TMEM132B: variants seen among roughly 807,000 people sequenced by gnomAD.
The protein encoded by TMEM132B is transmembrane protein 132B.
Under a neutral mutation model 90.8 loss-of-function variants are expected in TMEM132B, and 18 were observed. The ratio of observed to expected loss-of-function variants is 0.20; its 90% confidence interval spans 0.14 to 0.29. The LOEUF (loss-of-function observed/expected upper bound fraction) is 0.29. Ranked by LOEUF, TMEM132B falls within the 10% of genes least tolerant of loss-of-function variation. The pLI, the probability that TMEM132B is intolerant of heterozygous loss-of-function variation, is 1.00. For synonymous variants in TMEM132B, 504 were observed against 523.3 expected, an observed-to-expected ratio of 0.96 and a Z score of 0.50; for missense variants, 1,096 against 1,326.8, an observed-to-expected ratio of 0.83 and a Z score of 2.70.
chr12:125,228,008 A>T (rs1442909187), intron 1 of TMEM132B, among the ~76,000 whole-genome samples: 1 of 152,014 alleles, frequency 6.6e-6, no homozygotes, highest in Non-Finnish European at 1.5e-5. Context: ...CTCTCTTTGC[A>T]TTTCTCTATT....
intron 1 of TMEM132B, among the ~76,000 whole-genome samples, chr12:125,241,595 C>G (rs1033263049): frequency 6.6e-6 from 1 of 152,178 alleles, no homozygotes; most frequent in African/African-American, 2.4e-5. Context: ...CCAGCATCAC[C>G]TTCTGTTGAG....
At chr12:125,521,389 T>C (rs999977279) in intron 4 of TMEM132B, among the ~76,000 whole-genome samples, 5 of 152,196 alleles carry the variant, frequency 3.3e-5, no homozygotes, top group Middle Eastern at 3.2e-3. Context: ...GGACTGCCCC[T>C]GCATGAAGTA....
At chr12:125,331,043 G>T (rs1566003969) in intron 1 of TMEM132B, among the ~76,000 whole-genome samples, 1 of 152,260 alleles carries the variant, frequency 6.6e-6, no homozygotes, top group Admixed American at 6.5e-5. Context: ...TGGAAGAGGG[G>T]AGGGATGCAC....
chr12:125,556,004 C>T (rs1884376532), intron 4 of TMEM132B, among the ~76,000 whole-genome samples: 1 of 152,184 alleles, frequency 6.6e-6, no homozygotes, highest in Non-Finnish European at 1.5e-5. Flanking sequence ...AAATGCACAT[C>T]TGTATCTTTG....
chr12:125,307,184 T>G (rs772926082), intron 1 of TMEM132B, among the ~76,000 whole-genome samples: 18 of 152,220 alleles, frequency 1.2e-4, no homozygotes, highest in Non-Finnish European at 7.3e-5. Context: ...ATCCTATGCA[T>G]GTTATTATTT....
At chr12:125,297,025 G>C (rs1875688040) in intron 1 of TMEM132B, among the ~76,000 whole-genome samples, 1 of 152,250 alleles carries the variant, frequency 6.6e-6, no homozygotes, top group South Asian at 2.1e-4. Flanking sequence ...TGAGAGAGCA[G>C]AGCAGTGGGA....
chr12:125,655,540 A>C lies in TMEM132B; in HGVS notation c.*830A>C, dbSNP rs889658790. ...TTTACTGTTTTCTATGTGAAGTTTC[A>C]AACATTTGGAAAAAAGTTGTCAATC... On this transcript the variant is annotated 3_prime_UTR_variant, in exon 9 of 9. Transcript: ENST00000682704. The C allele has an allele frequency of 6.6e-5, 10 of 152,250 alleles. No homozygotes were observed. The highest frequency in any genetic ancestry group is 1.9e-4 in the African/African-American group (8 of 41,460). The allele number at this position is 152,250 out of a possible 1,614,324, so 9.4% of individuals were successfully genotyped here. A position where few individuals can be genotyped will look rare whatever the true frequency, so the allele number is the denominator to read the frequency against.
intron 1 of TMEM132B, among the ~76,000 whole-genome samples, chr12:125,299,123 C>G (rs1875747379): frequency 1.3e-5 from 2 of 152,196 alleles, no homozygotes; most frequent in Admixed American, 1.3e-4. Context: ...ATAGCTGGGA[C>G]TATACAGGTG....
chr12:125,498,410 A>C lies in TMEM132B; in HGVS notation c.1107-21029A>C, dbSNP rs567218173. On this transcript the variant is annotated intron_variant, in intron 3 of 8. Transcript: ENST00000682704. The surrounding 1 kb of genome is among the most constrained non-coding windows in gnomAD (Gnocchi z 4.5). Reference sequence around the variant, plus strand: ...CACAGCATCCTTTGCTGCCCCCTTCACTTGCAGATCAGTCAGTTAAGCAAA... The same window carrying C: ...CACAGCATCCTTTGCTGCCCCCTTCCCTTGCAGATCAGTCAGTTAAGCAAA... Among the ~76,000 whole-genome samples, 1 of 152,344 alleles carries C rather than the reference A, an allele frequency of 6.6e-6. No homozygotes were observed. Among genetic ancestry groups the C allele is most frequent in the African/African-American group, 2.4e-5 (1 of 41,590 alleles).
At chr12:125,257,836 A>G (rs1375698321) in intron 1 of TMEM132B, among the ~76,000 whole-genome samples, 1 of 152,224 alleles carries the variant, frequency 6.6e-6, no homozygotes, top group African/African-American at 2.4e-5. Flanking sequence ...TGCAGCCATC[A>G]GCAGCTGGAG....
Position 125,228,980 on chromosome 12 carries a change from G to T in TMEM132B, c.67+42114G>T, listed in dbSNP as rs191220986. 1.7e-3 allele frequency among the ~76,000 whole-genome samples: 255 copies of T among 152,308 alleles called. No individual in the cohort carries two copies. The Middle Eastern group carries it at 0.02, about 12-fold the overall frequency. On this transcript the variant is annotated intron_variant, in intron 1 of 8. Transcript: ENST00000682704. ...TTCCCATCTTTCCTGCCTGGATGCA[G>T]ACCCTGAGGACCTGACCAACTAGAG...
At chr12:125,425,967 A>G (rs577532694) in intron 3 of TMEM132B, among the ~76,000 whole-genome samples, 169 of 152,348 alleles carry the variant, frequency 1.1e-3, no homozygotes, top group Middle Eastern at 3.4e-3. Context: ...AGTGCCAAGG[A>G]GCGCAATTGC....
At chr12:125,339,811 T>C (rs563455352) in intron 1 of TMEM132B, among the ~76,000 whole-genome samples, 1 of 152,248 alleles carries the variant, frequency 6.6e-6, no homozygotes, top group African/African-American at 2.4e-5. Context: ...AATGGCCTTA[T>C]TTTAGCTATA....
At position 125,511,331 on chromosome 12, in the gene TMEM132B, G is replaced by T. The variant is rs541027261; in HGVS notation, c.1107-8108G>T. Among the ~76,000 whole-genome samples, 10 of 152,214 alleles carry T rather than the reference G, an allele frequency of 6.6e-5. No homozygotes were observed. In the East Asian group the frequency reaches 7.7e-4, roughly 12 times the overall value. The stretch of plus-strand genomic sequence containing the variant: ...AAAATTGGGTTGCTTTCACCTTTTG[G>T]GGGGGATGAACCATAAGGATACGAA... On this transcript the variant is annotated intron_variant, in intron 3 of 8. Transcript: ENST00000682704.
intron 5 of TMEM132B, among the ~76,000 whole-genome samples, chr12:125,616,437 C>T (rs1204587985): frequency 1.3e-5 from 2 of 152,090 alleles, no homozygotes; most frequent in African/African-American, 2.4e-5. Context: ...TGAAACCCCA[C>T]AAGGAGCAGC....
chr12:125,331,057 C>T (rs1876752493), intron 1 of TMEM132B, among the ~76,000 whole-genome samples: 1 of 152,216 alleles, frequency 6.6e-6, no homozygotes. Flanking sequence ...GATGCACCAC[C>T]GGCTCCTCGT....
At chr12:125,319,916 TGAG>T (rs919917456) in intron 1 of TMEM132B, among the ~76,000 whole-genome samples, 1 of 152,062 alleles carries the variant, frequency 6.6e-6, no homozygotes, top group African/African-American at 2.4e-5. Context: ...CTTGGGAGGC[TGAG>T]GTGGGAGGAT....
chr12:125,315,933 T>C (rs1296606930), intron 1 of TMEM132B, among the ~76,000 whole-genome samples: 1 of 152,146 alleles, frequency 6.6e-6, no homozygotes, highest in Non-Finnish European at 1.5e-5. Flanking sequence ...CAGGGGACCC[T>C]GGGTCACCAC....
At chr12:125,307,134 C>T (rs1875991888) in intron 1 of TMEM132B, among the ~76,000 whole-genome samples, 2 of 152,238 alleles carry the variant, frequency 1.3e-5, no homozygotes, top group Admixed American at 6.5e-5. Context: ...TGTTGCTTAT[C>T]CTTCTTCATT....
Sources: gnomAD v4.1 joint callset for allele counts (sites outside exome capture counted in the v4.1 genomes callset) on GRCh38, gnomAD v4.1.1 for gene constraint, Gnocchi (gnomAD v3.1) non-coding constraint, MANE v1.5 for transcripts, NCBI Gene and HGNC (gene_info 2026-07-23, HGNC 2026-07-21) for gene names.